The following CPED1 variants were observed in gnomAD, a reference collection of about 807,000 sequenced individuals.
CPED1 encodes the protein cadherin like and PC-esterase domain containing 1.
Under a neutral mutation model 128.2 loss-of-function variants are expected in CPED1, and 114 were observed. The ratio of observed to expected loss-of-function variants is 0.89; its 90% confidence interval spans 0.76 to 1.04. The LOEUF is 1.04. Among genes scored for constraint, CPED1 ranks in the 50% least tolerant of loss-of-function variants. CPED1 has a pLI of 0.00. For missense variants in CPED1, 1,211 were observed against 1,207.1 expected, an observed-to-expected ratio of 1.00 and a Z score of -0.05; for synonymous variants, 462 against 426.7, an observed-to-expected ratio of 1.08 and a Z score of -1.02.
chr7:121,072,210 A>G (rs530414895), intron 5 of CPED1, among the ~76,000 whole-genome samples: 100 of 150,912 alleles, frequency 6.6e-4, no homozygotes, highest in African/African-American at 2.3e-3. Context: ...ACATGGGAGT[A>G]AATTGCACAG....
intron 6 of CPED1, among the ~76,000 whole-genome samples, chr7:121,099,294 CTAATT>C (rs1345640649): frequency 2.0e-5 from 3 of 152,154 alleles, no homozygotes; most frequent in African/African-American, 7.2e-5. Context: ...GGTACTGTAA[CTAATT>C]TATATATTTA....
chr7:121,177,382 C>G (rs909512042), intron 16 of CPED1, among the ~76,000 whole-genome samples: 2 of 152,018 alleles, frequency 1.3e-5, no homozygotes, highest in Non-Finnish European at 2.9e-5. Flanking sequence ...CACCATGTTT[C>G]TCTATCCGAC....
rs1167604663 is a variant in CPED1 at position 120,995,969 on chromosome 7, C to CCTT, written c.249+6119_249+6121dup. On this transcript the variant is annotated intron_variant, in intron 2 of 22. Transcript: ENST00000310396. Reference sequence around the variant, plus strand: ...TTCTCCTCCTCCTCCTCCTCCTCCTCCTTCTTCTTCTTCTTCTTCTTCAAT... The same window carrying CCTT: ...TTCTCCTCCTCCTCCTCCTCCTCCTCCTTCTTCTTCTTCTTCTTCTTCTTCAAT... 8.4e-3 allele frequency among the ~76,000 whole-genome samples: 557 copies of CCTT among 66,584 alleles called. 4 individuals are homozygous for CCTT. The highest frequency in any genetic ancestry group is 0.033 in the African/African-American group (523 of 15,858). The allele number at this position is 66,584 out of a possible 152,430, so 43.7% of individuals were successfully genotyped here.
chr7:121,145,753 A>G (rs999241645), intron 16 of CPED1, among the ~76,000 whole-genome samples: 1 of 151,568 alleles, frequency 6.6e-6, no homozygotes, highest in African/African-American at 2.4e-5. Flanking sequence ...TACATCAATG[A>G]GATTTACAAA....
At position 121,034,247 on chromosome 7, in the gene CPED1, C is replaced by CTTTT. The variant is rs3067998; in HGVS notation, c.434-12625_434-12622dup. 4.6e-4 allele frequency among the ~76,000 whole-genome samples: 53 copies of CTTTT among 113,982 alleles called. 1 individual carries two copies. The highest frequency in any genetic ancestry group is 1.3e-3 in the East Asian group (5 of 3,842). 74.8% of individuals were successfully genotyped at this position (113,982 alleles called of 152,430 possible). The stretch of plus-strand genomic sequence containing the variant: ...ATAGCCAGACATCAAGTTTTTTTTT[C>CTTTT]TTTTTTTTTTTTTTTTTTGAGATGG... On this transcript the variant is annotated intron_variant, in intron 3 of 22. Coordinates refer to ENST00000310396, the MANE Select transcript of CPED1 (RefSeq NM_024913.5).
In CPED1 at chr7:121,130,180, T is replaced by C; in HGVS notation, c.1463T>C (p.Val488Ala). The C allele has an allele frequency of 6.2e-7, 1 of 1,613,092 alleles. No homozygotes were observed. The highest frequency in any genetic ancestry group is 8.5e-7 in the Non-Finnish European group (1 of 1,179,274). The change falls in exon 12 of 23, where the codon GTG becomes GCG. Residue 488 changes from valine (V) to alanine (A), a missense_variant. Val to Ala is a moderately conservative substitution (Grantham distance 64). Transcript: ENST00000310396. ...TCACTGATGCATGAATTTTATGATGTGGCAAATCCTGTGGGAAATCCTGGC... is the reference window on the plus strand; with the variant it reads ...TCACTGATGCATGAATTTTATGATGCGGCAAATCCTGTGGGAAATCCTGGC... ...IQSLMHEFYDVANPVGNPGSV... is the reference protein window; with the variant it reads ...IQSLMHEFYDAANPVGNPGSV...
intron 18 of CPED1, among the ~76,000 whole-genome samples, chr7:121,256,890 A>G (rs1457691889): frequency 6.6e-6 from 1 of 152,114 alleles, no homozygotes; most frequent in Non-Finnish European, 1.5e-5. Context: ...CTACACAGTC[A>G]TAAAAAGAGC....
At chr7:121,242,781 C>G (rs1798427434) in intron 17 of CPED1, among the ~76,000 whole-genome samples, 1 of 152,002 alleles carries the variant, frequency 6.6e-6, no homozygotes, top group Admixed American at 6.6e-5. Context: ...CTTTCCTTTC[C>G]TGGAGTTCAT....
chr7:121,197,593 CA>C, intron 16 of CPED1, among the ~76,000 whole-genome samples: 1 of 152,062 alleles, frequency 6.6e-6, no homozygotes, highest in Non-Finnish European at 1.5e-5. Flanking sequence ...TTGATTTAGG[CA>C]GAATAATTGC....
In CPED1 at chr7:121,142,060, C is replaced by A. The variant is rs1198210575; in HGVS notation, c.1974C>A (p.Ile658=). Residue 658 remains isoleucine (I), a synonymous_variant, in exon 16 of 23, where the codon ATC becomes ATA. Coordinates refer to ENST00000310396, the MANE Select transcript of CPED1 (RefSeq NM_024913.5). ...DESPAHGETL[I]TYKLTIYRED... ...CTCCAGCACACGGTGAGACTCTGATCACGTACAAACTCACCATCTATAGAG... is the reference window on the plus strand; with the variant it reads ...CTCCAGCACACGGTGAGACTCTGATAACGTACAAACTCACCATCTATAGAG... 1 of 1,612,630 alleles carries A rather than the reference C, an allele frequency of 6.2e-7. No homozygotes were observed. The highest frequency in any genetic ancestry group is 2.2e-5 in the East Asian group (1 of 44,836).
intron 16 of CPED1, among the ~76,000 whole-genome samples, chr7:121,200,719 T>C (rs1234559970): frequency 1.3e-5 from 2 of 152,086 alleles, no homozygotes; most frequent in African/African-American, 4.8e-5. Context: ...TATCAGCAAA[T>C]ATTTGTTGAA....
intron 2 of CPED1, among the ~76,000 whole-genome samples, chr7:121,014,660 A>T (rs2116810256): frequency 6.6e-6 from 1 of 152,002 alleles, no homozygotes; most frequent in Non-Finnish European, 1.5e-5. Context: ...CATGGCATTC[A>T]CAACATTAAA....
intron 4 of CPED1, among the ~76,000 whole-genome samples, chr7:121,062,545 T>A (rs1040718434): frequency 2.0e-5 from 3 of 152,208 alleles, no homozygotes; most frequent in Admixed American, 2.0e-4. Flanking sequence ...CTTCTTTTTC[T>A]ACATTTAGTT....
intron 3 of CPED1, among the ~76,000 whole-genome samples, chr7:121,026,694 G>A (rs1792595149): frequency 6.6e-6 from 1 of 151,188 alleles, no homozygotes; most frequent in Non-Finnish European, 1.5e-5. Context: ...AGTTTCCCAG[G>A]TGATACTAAT....
intron 18 of CPED1, chr7:121,261,521 A>C: frequency 1.4e-6 from 2 of 1,443,776 alleles, no homozygotes; most frequent in Non-Finnish European, 1.9e-6. Flanking sequence ...GACATTAGGT[A>C]TTTGGCCATG....
intron 5 of CPED1, among the ~76,000 whole-genome samples, chr7:121,080,875 GT>G (rs1794276072): frequency 6.6e-6 from 1 of 152,050 alleles, no homozygotes; most frequent in South Asian, 2.1e-4. Flanking sequence ...ACTTACAAGT[GT>G]TATAAAAGAA....
At chr7:121,205,532 T>C (rs1306128832) in intron 16 of CPED1, among the ~76,000 whole-genome samples, 1 of 152,056 alleles carries the variant, frequency 6.6e-6, no homozygotes, top group Admixed American at 6.6e-5. Flanking sequence ...TTTTTACTTA[T>C]TTTCTATTCC....
chr7:121,039,339 T>C (rs1030443438), intron 3 of CPED1, among the ~76,000 whole-genome samples: 1 of 152,122 alleles, frequency 6.6e-6, no homozygotes, highest in Non-Finnish European at 1.5e-5. Context: ...ACTTTTTTGT[T>C]TGCTTGCTTG....
At chr7:121,040,977 A>C (rs1394711378) in intron 3 of CPED1, among the ~76,000 whole-genome samples, 5 of 152,102 alleles carry the variant, frequency 3.3e-5, no homozygotes, top group Non-Finnish European at 7.4e-5. Context: ...TCCAATATGT[A>C]AAGCACTGGA....
Sources: allele counts gnomAD v4.1 joint callset (sites outside exome capture counted in the v4.1 genomes callset), GRCh38; gene constraint gnomAD v4.1.1; transcripts MANE v1.5; gene names NCBI Gene and HGNC (gene_info 2026-07-23, HGNC 2026-07-21).